ALAD: variants seen among roughly 807,000 people sequenced by gnomAD.
The protein encoded by ALAD is aminolevulinate dehydratase.
ALAD carries 20 observed loss-of-function variants against 44.4 expected under a neutral mutation model. The ratio of observed to expected loss-of-function variants is 0.45; its 90% CI spans 0.32 to 0.65. The LOEUF (loss-of-function observed/expected upper bound fraction) is 0.65. ALAD is among the 30% of genes least tolerant of loss of function. The probability of loss-of-function intolerance (pLI) is 0.05; values close to 1 mark genes in which losing one functional copy is unlikely to be tolerated. For missense variants in ALAD, 323 were observed against 445.7 expected (o/e 0.72, Z 2.48); for synonymous variants, 156 against 167.9 (o/e 0.93, Z 0.55).
At chr9:113,394,828 G>T (rs1343044461) in intron 1 of ALAD, among the ~76,000 whole-genome samples, 2 of 152,146 alleles carry the variant, frequency 1.3e-5, no homozygotes, top group African/African-American at 2.4e-5. Flanking sequence ...GAGATGGGCA[G>T]ATCACTTGAG....
chr9:113,394,502 C>T (rs1827676225), intron 1 of ALAD, among the ~76,000 whole-genome samples: 1 of 151,758 alleles, frequency 6.6e-6, no homozygotes, highest in Non-Finnish European at 1.5e-5. Flanking sequence ...TGCACCACTG[C>T]ACTCCAGCCT....
In ALAD at chr9:113,392,109, C is replaced by T. The variant is rs558985508; in HGVS notation, c.164+10G>A. On this transcript the variant is annotated intron_variant, in intron 3 of 11. Coordinates refer to ENST00000409155, the MANE Select transcript of ALAD (RefSeq NM_000031.6). Reference sequence around the variant, plus strand: ...ACCACCCGCTGGCCCCCCAACTCCACGTCTCCTACCTGGCCACTCCTGGGA... The same window carrying T: ...ACCACCCGCTGGCCCCCCAACTCCATGTCTCCTACCTGGCCACTCCTGGGA... The T allele has an allele frequency of 1.5e-5, 24 of 1,607,622 alleles. No homozygotes were observed. The highest frequency in any genetic ancestry group is 2.2e-5 in the South Asian group (2 of 90,040).
intron 4 of ALAD, 85 bp downstream of exon 4, chr9:113,391,442 G>C: frequency 8.5e-7 from 1 of 1,180,484 alleles, no homozygotes; most frequent in South Asian, 1.2e-5. Flanking sequence ...GGGCTCAAGT[G>C]ATCCACCCAC....
chr9:113,397,600 CAGG>C (rs1019602425), intron 1 of ALAD, among the ~76,000 whole-genome samples: 2 of 151,028 alleles, frequency 1.3e-5, no homozygotes, highest in Non-Finnish European at 2.9e-5. Flanking sequence ...TCATGTCTGC[CAGG>C]AGTTTTTTTT....
At chr9:113,394,850 G>A (rs897605913) in intron 1 of ALAD, among the ~76,000 whole-genome samples, 2 of 152,030 alleles carry the variant, frequency 1.3e-5, no homozygotes, top group African/African-American at 2.4e-5. Flanking sequence ...TCAGGAGTTC[G>A]AGACCAGCCT....
intron 2 of ALAD, 40 bp downstream of exon 2, chr9:113,393,407 A>AC: frequency 6.4e-7 from 1 of 1,551,292 alleles, no homozygotes; most frequent in Non-Finnish European, 8.9e-7. Flanking sequence ...CCCAACCCCA[A>AC]CCAGCAGAGC....
intron 1 of ALAD, among the ~76,000 whole-genome samples, chr9:113,401,003 G>A (rs1000919914): frequency 6.6e-6 from 1 of 152,072 alleles, no homozygotes; most frequent in Non-Finnish European, 1.5e-5. Context: ...AAGAGGTGCG[G>A]AGCCCCGAAC....
chr9:113,400,694 C>A (rs896975001), intron 1 of ALAD, among the ~76,000 whole-genome samples: 5 of 152,098 alleles, frequency 3.3e-5, no homozygotes, highest in East Asian at 1.9e-4. Flanking sequence ...TGGTGGCACA[C>A]GCCTGTAATC....
At chr9:113,392,653 GC>G (rs1827622760) in intron 2 of ALAD, 1 of 171,584 alleles carries the variant, frequency 5.8e-6, no homozygotes, top group African/African-American at 2.4e-5. Context: ...AAACATCCCT[GC>G]CCTCATGGAG....
chr9:113,393,688 G>T, intron 1 of ALAD, 54 bp from the exon 2 acceptor site: 1 of 734,722 alleles, frequency 1.4e-6, no homozygotes, highest in East Asian at 2.5e-5. Context: ...TCAGGAGATG[G>T]TCACATCTGG....
rs1827561568 is a variant in ALAD at position 113,390,854 on chromosome 9, T to C, written c.341A>G (p.Asn114Ser). The stretch of plus-strand genomic sequence containing the variant: ...GCAGACATCACAGGCCACCAGGAGG[T>C]TGGGGAAGGTCTTCCTCAACAGATG... Reference protein sequence around the residue: ...AIHLLRKTFPNLLVACDVCLC... With the variant: ...AIHLLRKTFPSLLVACDVCLC... The change falls in exon 5 of 12, where the codon AAC becomes AGC. Residue 114 changes from asparagine (N) to serine (S), a missense_variant. Asn to Ser is a conservative substitution (Grantham distance 46, BLOSUM62 1). Transcript: ENST00000409155. 6.2e-7 allele frequency: 1 copy of C among 1,611,530 alleles called. No individual in the cohort carries two copies. The highest frequency in any genetic ancestry group is 1.7e-5 in the Admixed American group (1 of 59,770).
intron 7 of ALAD, 104 bp downstream of exon 7, chr9:113,390,301 T>C: frequency 8.3e-7 from 1 of 1,208,326 alleles, no homozygotes; most frequent in South Asian, 1.3e-5. Flanking sequence ...GGACTACAGG[T>C]GTGAGCCAAC....
chr9:113,390,431 G>A lies in ALAD; in HGVS notation c.544C>T (p.Leu182=). The A allele has an allele frequency of 6.2e-7, 1 of 1,614,118 alleles. No individual in the cohort carries two copies. Among genetic ancestry groups the A allele is most frequent in the South Asian group, 1.1e-5 (1 of 91,084 alleles). Residue 182 remains leucine (L), a synonymous_variant, in exon 7 of 12, where the codon CTG becomes TTG. Transcript: ENST00000409155. ...CTGTTGCCAAGTCCATGTGCCATCAGGGCCTCTTTGATGGCTTCCACGCGT... is the reference window on the plus strand; with the variant it reads ...CTGTTGCCAAGTCCATGTGCCATCAAGGCCTCTTTGATGGCTTCCACGCGT... The part of the protein sequence containing the change: ...DGRVEAIKEA[L]MAHGLGNRVS...
chr9:113,392,433 T>A (rs1208275937), intron 2 of ALAD: 3 of 1,029,228 alleles, frequency 2.9e-6, no homozygotes, highest in East Asian at 8.2e-5. Context: ...GGTTAAGAAC[T>A]TGGACTCTGA....
At chr9:113,390,358 G>A (rs746820702) in intron 7 of ALAD, 47 bp downstream of exon 7, 1 of 1,584,434 alleles carries the variant, frequency 6.3e-7, no homozygotes, top group Non-Finnish European at 8.7e-7. Context: ...GGCAGGGCTG[G>A]TGCAGACTAT....
At chr9:113,392,243 T>C in intron 2 of ALAD, 74 bp from the exon 3 acceptor site, 1 of 1,610,054 alleles carries the variant, frequency 6.2e-7, no homozygotes, top group Non-Finnish European at 8.5e-7. Flanking sequence ...CTGAGAGGGA[T>C]GGTTGGGAAG....
At chr9:113,394,287 C>T (rs538795762) in intron 1 of ALAD, among the ~76,000 whole-genome samples, 91 of 150,224 alleles carry the variant, frequency 6.1e-4, no homozygotes, top group East Asian at 6.2e-4. Flanking sequence ...CCTGTAATCC[C>T]GGCACTTTGG....
In ALAD at chr9:113,394,998, T is replaced by G. The variant is rs527878331; in HGVS notation, c.-75-1364A>C. Among the ~76,000 whole-genome samples the G allele has an allele frequency of 9.3e-5, 14 of 151,044 alleles. No homozygotes were observed. In the South Asian group the frequency reaches 2.9e-3, roughly 32 times the overall value. On this transcript the variant is annotated intron_variant, in intron 1 of 11. Coordinates refer to ENST00000409155, the MANE Select transcript of ALAD (RefSeq NM_000031.6). ...TGAATCCAGGAGGAGGAGGTTGCAG[T>G]AAGCCGAGATAGCGCCACTTCACTC...
chr9:113,389,383 G>A (rs1827504283), intron 10 of ALAD, 55 bp downstream of exon 10: 4 of 1,588,482 alleles, frequency 2.5e-6, no homozygotes, highest in Middle Eastern at 2.2e-4. Context: ...TCCAGAGTCT[G>A]TGGAAAACTC....
Sources: gnomAD v4.1 joint callset for allele counts (sites outside exome capture counted in the v4.1 genomes callset) on GRCh38, gnomAD v4.1.1 for gene constraint, MANE v1.5 for transcripts, NCBI Gene and HGNC (gene_info 2026-07-23, HGNC 2026-07-21) for gene names.